Variants in JMJD1C observed in about 807,000 individuals in gnomAD.
JMJD1C encodes jumonji domain containing 1C, also known as jumonji domain-containing protein 1C.
A neutral mutation model predicts 245.3 loss-of-function variants in JMJD1C; 31 were observed. That is an observed-to-expected ratio of 0.13 (90% CI 0.09 to 0.17). The LOEUF (loss-of-function observed/expected upper bound fraction) is 0.17. Among genes scored for constraint, JMJD1C ranks in the 10% least tolerant of loss-of-function variants. The pLI is 1.00. For missense variants in JMJD1C, 2,691 were observed against 3,000.2 expected, an observed-to-expected ratio of 0.90 and a Z score of 2.41; for synonymous variants, 1,057 against 1,017.4, an observed-to-expected ratio of 1.04 and a Z score of -0.74.
intron 1 of JMJD1C, among the ~76,000 whole-genome samples, chr10:63,511,474 G>A (rs571762621): frequency 5.9e-5 from 9 of 152,194 alleles, no homozygotes; most frequent in African/African-American, 9.7e-5. Context: ...CACTTTGGGA[G>A]GCCAAGGCTG....
Position 63,193,150 on chromosome 10 carries a change from A to T in JMJD1C, c.5864T>A (p.Val1955Asp). Residue 1955 changes from valine (V) to aspartate (D), a missense_variant and splice_region_variant, in exon 16 of 26, where the codon GTT (valine) becomes GAT (aspartate). Around this residue, in one of 9 missense-constraint regions of JMJD1C, gnomAD observed 275 missense variants for 285.5 expected, o/e 0.96. Coordinates refer to ENST00000399262, the MANE Select transcript of JMJD1C (RefSeq NM_032776.3). ...ACTGTGATTAAGAACATTCTGTAAAACCTACAAAGGTAGAACAATTACATT... is the reference window on the plus strand; with the variant it reads ...ACTGTGATTAAGAACATTCTGTAAATCCTACAAAGGTAGAACAATTACATT... ...NFPTMNGVSQ[V>D]LQNVLNHSNK... The T allele has an allele frequency of 6.2e-7, 1 of 1,608,658 alleles. No individual in the cohort carries two copies. The highest frequency in any genetic ancestry group is 8.5e-7 in the Non-Finnish European group (1 of 1,175,910).
chr10:63,238,180 CAAA>C (rs548385223), intron 3 of JMJD1C, among the ~76,000 whole-genome samples: 1 of 30,574 alleles, frequency 3.3e-5, no homozygotes. Context: ...GACTCCATCT[CAAA>C]AAAAAAAAAA....
intron 2 of JMJD1C, among the ~76,000 whole-genome samples, chr10:63,267,517 A>G (rs1308835184): frequency 6.6e-6 from 1 of 152,236 alleles, no homozygotes; most frequent in Non-Finnish European, 1.5e-5. Context: ...ACTAGAACTC[A>G]TGCATAACTA....
intron 1 of JMJD1C, among the ~76,000 whole-genome samples, chr10:63,491,419 T>C (rs1183020587): frequency 2.0e-5 from 3 of 152,220 alleles, no homozygotes; most frequent in Admixed American, 6.5e-5. Flanking sequence ...TTTTATTTTA[T>C]AGTAAGATGG....
intron 13 of JMJD1C, among the ~76,000 whole-genome samples, chr10:63,196,857 G>A (rs1353784008): frequency 6.6e-6 from 1 of 152,030 alleles, no homozygotes; most frequent in Non-Finnish European, 1.5e-5. Context: ...AGTGCAATGG[G>A]GCAATCACAG....
At chr10:63,397,972 A>T (rs1481018775) in intron 1 of JMJD1C, among the ~76,000 whole-genome samples, 1 of 152,196 alleles carries the variant, frequency 6.6e-6, no homozygotes, top group Non-Finnish European at 1.5e-5. Context: ...AAAATAACCT[A>T]ATTGTTCTTT....
At chr10:63,252,830 G>A (rs1853286053) in intron 3 of JMJD1C, among the ~76,000 whole-genome samples, 1 of 152,196 alleles carries the variant, frequency 6.6e-6, no homozygotes, top group Non-Finnish European at 1.5e-5. Flanking sequence ...GCATGTTGCT[G>A]TAATATTTAT....
intron 2 of JMJD1C, among the ~76,000 whole-genome samples, chr10:63,308,502 T>C (rs1938612419): frequency 6.6e-6 from 1 of 151,060 alleles, no homozygotes. Context: ...AAGAGCAACA[T>C]GTAGGAAAAA....
intron 1 of JMJD1C, among the ~76,000 whole-genome samples, chr10:63,388,947 T>C (rs1211512339): frequency 6.6e-6 from 1 of 152,090 alleles, no homozygotes; most frequent in Non-Finnish European, 1.5e-5. Context: ...TAAAAGAGAT[T>C]GATTCATCAA....
At chr10:63,220,374 A>G (rs1320483931) in intron 3 of JMJD1C, among the ~76,000 whole-genome samples, 1 of 152,218 alleles carries the variant, frequency 6.6e-6, no homozygotes, top group Non-Finnish European at 1.5e-5. Flanking sequence ...ATAGATACAT[A>G]CACAGATGAC....
chr10:63,277,050 T>G (rs555638439), intron 2 of JMJD1C, among the ~76,000 whole-genome samples: 4 of 150,470 alleles, frequency 2.7e-5, no homozygotes, highest in African/African-American at 9.8e-5. Context: ...CCCAGCTAAG[T>G]TTTTGTATTT....
rs1949086299 is a variant in JMJD1C, at chr10:63,405,038, A to C, written c.169-24556T>G. Among the ~76,000 whole-genome samples, 2 of 152,234 alleles carry C rather than the reference A, an allele frequency of 1.3e-5. 1 individual carries two copies. Among genetic ancestry groups the C allele is most frequent in the South Asian group, 4.1e-4 (2 of 4,832 alleles). On this transcript the variant is annotated intron_variant, in intron 1 of 25. Transcript: ENST00000399262. ...GGATAACTACAATTATATTTCAAAC[A>C]GAGTGCAAGGATAAATATGTGAATA...
intron 3 of JMJD1C, among the ~76,000 whole-genome samples, chr10:63,226,241 A>T (rs1849263894): frequency 1.3e-5 from 2 of 152,218 alleles, no homozygotes; most frequent in Admixed American, 6.5e-5. Flanking sequence ...GAGGAGACTT[A>T]GGGTGGCAAA....
chr10:63,338,595 A>C (rs1465812886), intron 2 of JMJD1C, among the ~76,000 whole-genome samples: 1 of 151,868 alleles, frequency 6.6e-6, no homozygotes, highest in Non-Finnish European at 1.5e-5. Context: ...TAGCCACTAC[A>C]AACTTTAAAC....
chr10:63,490,422 A>T (rs10761775), intron 1 of JMJD1C, among the ~76,000 whole-genome samples: 108,779 of 147,090 alleles, frequency 0.74, 40,661 homozygotes, highest in African/African-American at 0.87. Context: ...TATTTATTTT[A>T]TTTTTTTTTT....
chr10:63,175,069 AT>A (rs1370204799), intron 24 of JMJD1C, among the ~76,000 whole-genome samples: 2 of 152,240 alleles, frequency 1.3e-5, no homozygotes, highest in African/African-American at 4.8e-5. Context: ...TAAATTCAAT[AT>A]GTGAATAAAG....
At chr10:63,505,795 T>C (rs1279242083) in intron 1 of JMJD1C, among the ~76,000 whole-genome samples, 1 of 150,550 alleles carries the variant, frequency 6.6e-6, no homozygotes, top group Non-Finnish European at 1.5e-5. Context: ...TTTAAACACA[T>C]ACTAGATAGC....
At chr10:63,168,630 T>G in intron 24 of JMJD1C, 64 bp from the exon 25 acceptor site, 1 of 1,424,450 alleles carries the variant, frequency 7.0e-7, no homozygotes. Context: ...AAAGCCAAGT[T>G]ATTTAAAACC....
rs758513434 is a variant in JMJD1C at position 63,500,954 on chromosome 10, T to C, written n.113+20784A>G. ...ATACATTTTTCAAATAATATGTTTT[T>C]CCTCTGTATATCACTTTAAAATTAT... On this transcript the variant is annotated intron_variant and non_coding_transcript_variant, in intron 1 of 3. Coordinates refer to the JMJD1C transcript ENST00000633035. Among the ~76,000 whole-genome samples the C allele has an allele frequency of 7.2e-5, 11 of 152,218 alleles. 1 individual carries two copies. The highest frequency in any genetic ancestry group is 7.2e-4 in the Admixed American group (11 of 15,286).
Sources: allele counts gnomAD v4.1 joint callset (sites outside exome capture counted in the v4.1 genomes callset), GRCh38; gene constraint gnomAD v4.1.1; regional missense constraint gnomAD v4.1.1; transcripts MANE v1.5; gene names NCBI Gene and HGNC (gene_info 2026-07-23, HGNC 2026-07-21).